The following NKAIN3 variants were observed in gnomAD, a reference collection of about 807,000 sequenced individuals.
NKAIN3 encodes the protein sodium/potassium transporting ATPase interacting 3.
NKAIN3 carries 25 observed loss-of-function variants against 30.2 expected under a neutral mutation model. That is an observed-to-expected ratio of 0.83 (90% CI 0.60 to 1.16). The LOEUF is 1.16. NKAIN3 is among the 50% of genes most tolerant of loss of function. The pLI is 0.00. For missense variants in NKAIN3, 225 were observed against 254.1 expected, an observed-to-expected ratio of 0.89 and a Z score of 0.78; for synonymous variants, 91 against 89.6, an observed-to-expected ratio of 1.02 and a Z score of -0.09.
chr8:62,952,584 A>G (rs1388100040), intron 5 of NKAIN3, among the ~76,000 whole-genome samples: 2 of 152,210 alleles, frequency 1.3e-5, no homozygotes, highest in African/African-American at 4.8e-5. Flanking sequence ...AGTTTCTTAC[A>G]ATGTCTGTGA....
intron 1 of NKAIN3, among the ~76,000 whole-genome samples, chr8:62,550,492 A>G (rs1809168230): frequency 6.6e-6 from 1 of 152,366 alleles, no homozygotes; most frequent in African/African-American, 2.4e-5. Context: ...ATAGGTTCCT[A>G]GAAAATCACT....
At chr8:62,431,003 T>C (rs919258953) in intron 1 of NKAIN3, among the ~76,000 whole-genome samples, 1 of 151,830 alleles carries the variant, frequency 6.6e-6, no homozygotes, top group East Asian at 1.9e-4. Flanking sequence ...TACCAAGAAA[T>C]GGCAAAGCAT....
chr8:62,345,418 CACATATATACACATATATGTATATAT>C (rs1815923293), intron 1 of NKAIN3, among the ~76,000 whole-genome samples: 1 of 129,164 alleles, frequency 7.7e-6, no homozygotes, highest in Non-Finnish European at 1.6e-5. Flanking sequence ...TGTATATATA[CACATATATACACATATATGTATATAT>C]ACACACATAT....
chr8:62,550,688 T>C (rs1024831204), intron 1 of NKAIN3, among the ~76,000 whole-genome samples: 1 of 152,214 alleles, frequency 6.6e-6, no homozygotes, highest in Non-Finnish European at 1.5e-5. Flanking sequence ...GCCTTGAGTG[T>C]ATTTAATGTG....
intron 3 of NKAIN3, among the ~76,000 whole-genome samples, chr8:62,631,908 T>C (rs997807456): frequency 6.6e-6 from 1 of 152,198 alleles, no homozygotes; most frequent in Admixed American, 6.5e-5. Context: ...GAGTACAGTG[T>C]CTTATCGATG....
rs555112303 is a variant in NKAIN3, at chr8:62,538,174, G to T, written c.55-41365G>T. 2.0e-5 allele frequency among the ~76,000 whole-genome samples: 3 copies of T among 152,192 alleles called. No homozygotes were observed. In the South Asian group the frequency reaches 6.2e-4, roughly 32 times the overall value. Reference sequence around the variant, plus strand: ...GTTCTTATGATGAGGTAGCTTGTTTGTTGTTGTTTTTGTTGTTGTTGAGAC... The same window carrying T: ...GTTCTTATGATGAGGTAGCTTGTTTTTTGTTGTTTTTGTTGTTGTTGAGAC... On this transcript the variant is annotated intron_variant, in intron 1 of 6. Coordinates refer to ENST00000623646, the MANE Select transcript of NKAIN3 (RefSeq NM_001304533.3).
At chr8:62,581,400 C>A (rs1266378768) in intron 2 of NKAIN3, among the ~76,000 whole-genome samples, 1 of 152,128 alleles carries the variant, frequency 6.6e-6, no homozygotes, top group East Asian at 1.9e-4. Flanking sequence ...GCTTTGAAAC[C>A]ATAGATGGCT....
At chr8:62,547,362 G>A (rs564545997) in intron 1 of NKAIN3, among the ~76,000 whole-genome samples, 44 of 152,204 alleles carry the variant, frequency 2.9e-4, no homozygotes, top group South Asian at 2.5e-3. Context: ...TGAGTTTGCC[G>A]AAAGCAAAGA....
chr8:62,817,150 T>C (rs1037975160), intron 4 of NKAIN3, among the ~76,000 whole-genome samples: 8 of 152,180 alleles, frequency 5.3e-5, no homozygotes, highest in African/African-American at 1.9e-4. Flanking sequence ...GACATACTAT[T>C]TGATGTGTGG....
chr8:62,544,730 C>A (rs1236305197), intron 1 of NKAIN3, among the ~76,000 whole-genome samples: 2 of 151,824 alleles, frequency 1.3e-5, no homozygotes, highest in African/African-American at 4.8e-5. Context: ...ACAAACAATC[C>A]TTGAACAACA....
chr8:62,627,462 TG>T (rs1170999871), intron 3 of NKAIN3, among the ~76,000 whole-genome samples: 1 of 151,982 alleles, frequency 6.6e-6, no homozygotes, highest in Admixed American at 6.6e-5. Context: ...CCCTCTGCTG[TG>T]GTAAGGGTAA....
chr8:62,911,999 C>T (rs1321462770), intron 4 of NKAIN3, among the ~76,000 whole-genome samples: 1 of 152,158 alleles, frequency 6.6e-6, no homozygotes, highest in African/African-American at 2.4e-5. Context: ...GGGATACATT[C>T]TGAGAAATGC....
rs55873861 is a variant in NKAIN3, at chr8:62,763,221, C to CAAAAAAAAAAAAA, written c.471+16120_471+16132dup. On this transcript the variant is annotated intron_variant, in intron 4 of 6. Transcript: ENST00000623646. The stretch of plus-strand genomic sequence containing the variant: ...GGGCAACAAGTGCGAGACTCCGTCT[C>CAAAAAAAAAAAAA]AAAAAAAAAAAAAAAAAAAAAAAAA... 1.5e-4 allele frequency among the ~76,000 whole-genome samples: 7 copies of CAAAAAAAAAAAAA among 47,188 alleles called. 2 individuals are homozygous for CAAAAAAAAAAAAA. The highest frequency in any genetic ancestry group is 2.3e-4 in the Non-Finnish European group (5 of 22,076). The allele number at this position is 47,188 out of a possible 152,430, so 31.0% of individuals were successfully genotyped here.
chr8:62,301,117 C>T (rs1236265977), intron 1 of NKAIN3, among the ~76,000 whole-genome samples: 1 of 151,658 alleles, frequency 6.6e-6, no homozygotes, highest in East Asian at 1.9e-4. Context: ...TTTTTGCAGT[C>T]GAATTCATAA....
intron 3 of NKAIN3, among the ~76,000 whole-genome samples, chr8:62,651,812 G>A (rs1812627764): frequency 6.6e-6 from 1 of 151,996 alleles, no homozygotes; most frequent in South Asian, 2.1e-4. Context: ...ATGGGTTCTG[G>A]TTGTTAAAGT....
Position 62,308,286 on chromosome 8 carries a change from G to C in NKAIN3, c.54+59159G>C, listed in dbSNP as rs949598259. 3.3e-5 allele frequency among the ~76,000 whole-genome samples: 5 copies of C among 150,528 alleles called. No individual in the cohort carries two copies. The South Asian group carries it at 6.2e-4, about 19-fold the overall frequency. On this transcript the variant is annotated intron_variant, in intron 1 of 6. Transcript: ENST00000623646. Reference sequence around the variant, plus strand: ...CTCCTCCCTCCTCACTTGTATGACTGGGGGTGATTGGGTGCCTTCTGCTTT... The same window carrying C: ...CTCCTCCCTCCTCACTTGTATGACTCGGGGTGATTGGGTGCCTTCTGCTTT...
At position 62,270,236 on chromosome 8, in the gene NKAIN3, C is replaced by T. The variant is rs912236546; in HGVS notation, c.54+21109C>T. Among the ~76,000 whole-genome samples, 7 of 152,064 alleles carry T rather than the reference C, an allele frequency of 4.6e-5. No individual in the cohort carries two copies. The East Asian group carries it at 7.8e-4, about 17-fold the overall frequency. On this transcript the variant is annotated intron_variant, in intron 1 of 6. Transcript: ENST00000623646. ...CTGGTATCACAGTCATGTGTGACCA[C>T]AACCAACAAAGTTTTAAAATTTTCT... is the stretch of plus-strand genomic sequence containing the variant.
intron 3 of NKAIN3, among the ~76,000 whole-genome samples, chr8:62,590,731 G>A (rs1264972295): frequency 6.6e-6 from 1 of 151,770 alleles, no homozygotes; most frequent in African/African-American, 2.4e-5. Context: ...AGTCCTTGTG[G>A]TAACAAAACA....
At chr8:62,565,396 C>T (rs992833838) in intron 1 of NKAIN3, among the ~76,000 whole-genome samples, 1 of 151,702 alleles carries the variant, frequency 6.6e-6, no homozygotes, top group Non-Finnish European at 1.5e-5. Flanking sequence ...CAGAGAGCAC[C>T]AGGCATGGAT....
Sources: allele counts gnomAD v4.1 joint callset (sites outside exome capture counted in the v4.1 genomes callset), GRCh38; gene constraint gnomAD v4.1.1; transcripts MANE v1.5; gene names NCBI Gene and HGNC (gene_info 2026-07-23, HGNC 2026-07-21).